Variants in NDST3 observed in about 807,000 individuals in gnomAD.
The protein encoded by NDST3 is bifunctional heparan sulfate N-deacetylase/N-sulfotransferase 3.
In NDST3, 58 loss-of-function variants were observed where a neutral mutation model predicts 96.1. The observed-to-expected ratio is 0.60, with a 90% CI of 0.49 to 0.75. NDST3 has a LOEUF of 0.75. Among genes scored for constraint, NDST3 ranks in the 30% least tolerant of loss-of-function variants. The pLI is 0.00. For missense variants in NDST3, 788 were observed against 1,034.2 expected (o/e 0.76, Z 3.27); for synonymous variants, 333 against 359.7 (o/e 0.93, Z 0.84).
chr4:118,104,397 T>A (rs756848676), intron 2 of NDST3, among the ~76,000 whole-genome samples: 3 of 152,182 alleles, frequency 2.0e-5, no homozygotes, highest in Non-Finnish European at 4.4e-5. Flanking sequence ...CATTAAATAC[T>A]CAGCATGGTA....
intron 6 of NDST3, among the ~76,000 whole-genome samples, chr4:118,166,116 C>G (rs1273254051): frequency 3.3e-5 from 5 of 151,386 alleles, no homozygotes; most frequent in African/African-American, 1.2e-4. Context: ...GAGAAAAAAT[C>G]AATGAAATTG....
chr4:118,096,517 T>A (rs576735729), intron 2 of NDST3, among the ~76,000 whole-genome samples: 1 of 151,844 alleles, frequency 6.6e-6, no homozygotes, highest in African/African-American at 2.4e-5. Context: ...AGCTAAACTT[T>A]AGAAGCTAAA....
chr4:118,147,356 C>T (rs144774293), intron 6 of NDST3, among the ~76,000 whole-genome samples: 1 of 152,236 alleles, frequency 6.6e-6, no homozygotes, highest in Non-Finnish European at 1.5e-5. Context: ...GGAAGTACCC[C>T]AGAGTCACTG....
chr4:118,236,296 C>T (rs1274300963), intron 9 of NDST3, among the ~76,000 whole-genome samples: 2 of 152,174 alleles, frequency 1.3e-5, no homozygotes, highest in Admixed American at 6.5e-5. Context: ...TCAGGTGGAA[C>T]ATTAAATAAA....
chr4:118,143,723 T>A lies in NDST3; in HGVS notation c.1539+39T>A, dbSNP rs879137812. On this transcript the variant is annotated intron_variant, in intron 6 of 13. Coordinates refer to ENST00000296499, the MANE Select transcript of NDST3 (RefSeq NM_004784.3). ...TCTCCAAATAAATAGTGAAAAATGATAGGGCTGGCAAAAATTACCCTGGCA... is the reference window on the plus strand; with the variant it reads ...TCTCCAAATAAATAGTGAAAAATGAAAGGGCTGGCAAAAATTACCCTGGCA... The A allele has an allele frequency of 3.2e-6, 5 of 1,547,228 alleles. No individual in the cohort carries two copies. The South Asian group carries it at 5.0e-5, about 15-fold the overall frequency.
At chr4:118,201,715 T>C (rs77904152) in intron 6 of NDST3, among the ~76,000 whole-genome samples, 17,322 of 152,192 alleles carry the variant, frequency 0.11, 1,326 homozygotes, top group South Asian at 0.2. Context: ...TTTGCAGATA[T>C]CGTCTCTCAT....
chr4:118,046,516 C>T (rs1223826040), intron 1 of NDST3, among the ~76,000 whole-genome samples: 1 of 151,450 alleles, frequency 6.6e-6, no homozygotes, highest in Non-Finnish European at 1.5e-5. Flanking sequence ...GCCTGCCAGC[C>T]CCTCTCAGGG....
chr4:118,251,178 G>A (rs1317928801), intron 12 of NDST3, among the ~76,000 whole-genome samples: 53 of 137,328 alleles, frequency 3.9e-4, no homozygotes, highest in African/African-American at 1.3e-3. Flanking sequence ...CCAGGCTGGA[G>A]TGCAGTGGCA....
intron 12 of NDST3, among the ~76,000 whole-genome samples, chr4:118,248,114 G>A (rs1278054035): frequency 1.3e-5 from 2 of 152,200 alleles, no homozygotes; most frequent in Non-Finnish European, 2.9e-5. Flanking sequence ...ACTTTAAGAG[G>A]CCGAGGCGGG....
intron 6 of NDST3, among the ~76,000 whole-genome samples, chr4:118,178,790 A>C (rs1400944236): frequency 6.6e-6 from 1 of 152,076 alleles, no homozygotes; most frequent in African/African-American, 2.4e-5. Context: ...ACCACTATAC[A>C]TTCCCACCAT....
intron 1 of NDST3, among the ~76,000 whole-genome samples, chr4:118,046,464 T>G (rs1724766668): frequency 6.6e-6 from 1 of 152,204 alleles, no homozygotes; most frequent in Non-Finnish European, 1.5e-5. Context: ...TAGAGCTGAC[T>G]TCCCTGTGGA....
At chr4:118,121,836 C>G (rs531504561) in intron 4 of NDST3, among the ~76,000 whole-genome samples, 1 of 152,112 alleles carries the variant, frequency 6.6e-6, no homozygotes, top group African/African-American at 2.4e-5. Flanking sequence ...CCCCTCTTAC[C>G]CATATCTACA....
At chr4:118,040,887 ATATATATATATT>A (rs1362587445) in intron 1 of NDST3, among the ~76,000 whole-genome samples, 1 of 144,816 alleles carries the variant, frequency 6.9e-6, no homozygotes, top group African/African-American at 2.5e-5. Flanking sequence ...ATATATTTAT[ATATATATATATT>A]TATATATATA....
chr4:118,118,110 CTG>C (rs999488013), intron 4 of NDST3, among the ~76,000 whole-genome samples: 1 of 152,150 alleles, frequency 6.6e-6, no homozygotes, highest in Non-Finnish European at 1.5e-5. Context: ...GAAAAGTACT[CTG>C]GAGAAAATTC....
At chr4:118,129,105 T>C (rs1732379592) in intron 4 of NDST3, among the ~76,000 whole-genome samples, 1 of 151,914 alleles carries the variant, frequency 6.6e-6, no homozygotes, top group Admixed American at 6.6e-5. Context: ...TGGCTAATGG[T>C]TTGCTGATTT....
intron 2 of NDST3, among the ~76,000 whole-genome samples, chr4:118,060,442 T>C (rs544715575): frequency 6.6e-6 from 1 of 152,252 alleles, no homozygotes; most frequent in Non-Finnish European, 1.5e-5. Context: ...CTCTCTCCTG[T>C]CTTTGCACTG....
chr4:118,097,683 A>G (rs1257107609), intron 2 of NDST3, among the ~76,000 whole-genome samples: 2 of 152,042 alleles, frequency 1.3e-5, no homozygotes, highest in East Asian at 3.9e-4. Flanking sequence ...TTTTCAAAAT[A>G]ATTTGAAATC....
chr4:118,122,225 T>C (rs2125875505), intron 4 of NDST3, among the ~76,000 whole-genome samples: 1 of 152,272 alleles, frequency 6.6e-6, no homozygotes, highest in South Asian at 2.1e-4. Flanking sequence ...TGGAGTCAGA[T>C]GTGGGTATGA....
chr4:118,066,343 TATATC>T lies in NDST3; in HGVS notation c.981+11457_981+11461del, dbSNP rs1458015555. Among the ~76,000 whole-genome samples, 6 of 10,160 alleles carry T rather than the reference TATATC, an allele frequency of 5.9e-4. 2 individuals are homozygous for T. The highest frequency in any genetic ancestry group is 2.1e-3 in the African/African-American group (6 of 2,856). 6.7% of individuals were successfully genotyped at this position (10,160 alleles called of 152,430 possible). On this transcript the variant is annotated intron_variant, in intron 2 of 13. Transcript: ENST00000296499. ...TATATATTATGTATTATATATATTA[TATATC>T]ATATATCATATGTTATATATTATAT... is the stretch of plus-strand genomic sequence containing the variant.
Sources: allele counts gnomAD v4.1 joint callset (sites outside exome capture counted in the v4.1 genomes callset), GRCh38; gene constraint gnomAD v4.1.1; transcripts MANE v1.5; gene names NCBI Gene and HGNC (gene_info 2026-07-23, HGNC 2026-07-21).